REV1: variants seen among roughly 807,000 people sequenced by gnomAD.
The protein encoded by REV1 is REV1 DNA directed polymerase, also known as translesion synthesis protein REV1.
REV1 carries 42 observed loss-of-function variants against 137.4 expected under a neutral mutation model. The ratio of observed to expected loss-of-function variants is 0.31; its 90% CI spans 0.24 to 0.40. The LOEUF is 0.40. Among genes scored for constraint, REV1 ranks in the 10% least tolerant of loss-of-function variants. REV1 has a pLI of 1.00. For synonymous variants in REV1, 524 were observed against 519.2 expected, an observed-to-expected ratio of 1.01 and a Z score of -0.12; for missense variants, 1,282 against 1,490.1, an observed-to-expected ratio of 0.86 and a Z score of 2.30.
Position 99,449,416 on chromosome 2 carries a change from A to G in REV1, c.270T>C (p.Ile90=). ...TGGCATTGGGAAGATTTGTGGCAAT[A>G]ATATGTGTTGTTTTAGATCTGGAAT... ...VYYSRSKTTH[I]IATNLPNAKI... is the part of the protein sequence containing the mutation. The change falls in exon 4 of 23, where the codon ATT becomes ATC. Residue 90 remains isoleucine (I), a synonymous_variant. Coordinates refer to ENST00000258428, the MANE Select transcript of REV1 (RefSeq NM_016316.4). The G allele has an allele frequency of 6.4e-7, 1 of 1,572,862 alleles. No individual in the cohort carries two copies. Among genetic ancestry groups the G allele is most frequent in the East Asian group, 2.4e-5 (1 of 42,420 alleles).
At chr2:99,409,427 A>G (rs1031709263) in intron 14 of REV1, among the ~76,000 whole-genome samples, 5 of 152,218 alleles carry the variant, frequency 3.3e-5, no homozygotes, top group Non-Finnish European at 1.5e-5. Context: ...AAAAGTCTCA[A>G]AATTTTGGTT....
chr2:99,403,450 A>G (rs1675795401), intron 19 of REV1: 1 of 580,474 alleles, frequency 1.7e-6, no homozygotes, highest in African/African-American at 1.9e-5. Context: ...CATTTGTGGT[A>G]ATGTCCTATT....
intron 9 of REV1, among the ~76,000 whole-genome samples, chr2:99,427,135 T>C (rs1004769346): frequency 1.3e-4 from 20 of 152,070 alleles, no homozygotes; most frequent in African/African-American, 1.9e-4. Flanking sequence ...TGAGCCGAGA[T>C]AGCACCACTG....
intron 15 of REV1, among the ~76,000 whole-genome samples, chr2:99,407,330 C>T (rs189706365): frequency 1.3e-5 from 2 of 151,638 alleles, no homozygotes; most frequent in East Asian, 3.9e-4. Context: ...GTGGGTGGAT[C>T]ACCTGAGGTC....
chr2:99,473,734 T>C lies in REV1; in HGVS notation c.-10-8749A>G, dbSNP rs143934374. On this transcript the variant is annotated intron_variant, in intron 1 of 22. Transcript: ENST00000258428. ...TTTCTGTACCAGATGAGATACTATCTTGATAAACACAGAATTCAAAGAACT... is the reference window on the plus strand; with the variant it reads ...TTTCTGTACCAGATGAGATACTATCCTGATAAACACAGAATTCAAAGAACT... 2.0e-5 allele frequency among the ~76,000 whole-genome samples: 3 copies of C among 152,340 alleles called. No homozygotes were observed. The East Asian group carries it at 5.8e-4, about 29-fold the overall frequency.
At chr2:99,464,408 A>C (rs940447266) in intron 2 of REV1, among the ~76,000 whole-genome samples, 4 of 152,226 alleles carry the variant, frequency 2.6e-5, no homozygotes, top group Non-Finnish European at 4.4e-5. Context: ...AACTGGTATA[A>C]TCCTATTCAT....
chr2:99,403,810 G>A lies in REV1; in HGVS notation c.3051C>T (p.Asp1017=), dbSNP rs763940467. Residue 1017 remains aspartate, a synonymous_variant, in exon 19 of 23, where the codon GAC becomes GAT. Coordinates refer to ENST00000258428, the MANE Select transcript of REV1 (RefSeq NM_016316.4). ...CAGGAAGGGCAGCAAATACCTCAGGGTCCACCTAGTGGAAAAGACGAGGTC... is the reference window on the plus strand; with the variant it reads ...CAGGAAGGGCAGCAAATACCTCAGGATCCACCTAGTGGAAAAGACGAGGTC... ...LIALPAFSQV[D]PEVFAALPAE... 1 of 1,614,046 alleles carries A rather than the reference G, an allele frequency of 6.2e-7. No homozygotes were observed. Among genetic ancestry groups the A allele is most frequent in the Non-Finnish European group, 8.5e-7 (1 of 1,179,988 alleles).
intron 6 of REV1, among the ~76,000 whole-genome samples, chr2:99,437,181 C>T (rs904748984): frequency 6.6e-6 from 1 of 151,802 alleles, no homozygotes; most frequent in Non-Finnish European, 1.5e-5. Context: ...CACGGTCTCA[C>T]TGTGTTGCCC....
chr2:99,430,749 T>A (rs1437616432), intron 8 of REV1, among the ~76,000 whole-genome samples: 1 of 152,164 alleles, frequency 6.6e-6, no homozygotes, highest in African/African-American at 2.4e-5. Flanking sequence ...GCCACTTTAC[T>A]TCCTTTGCCA....
chr2:99,409,695 T>C (rs1356504168), intron 14 of REV1, among the ~76,000 whole-genome samples: 3 of 151,854 alleles, frequency 2.0e-5, no homozygotes, highest in African/African-American at 7.3e-5. Context: ...AATACAAAAA[T>C]TCGCTGGGCA....
chr2:99,468,942 A>G (rs1160052123), intron 1 of REV1, among the ~76,000 whole-genome samples: 2 of 152,224 alleles, frequency 1.3e-5, no homozygotes, highest in Non-Finnish European at 2.9e-5. Context: ...TCAGTTATCC[A>G]TGGTCTACAA....
intron 9 of REV1, among the ~76,000 whole-genome samples, chr2:99,427,052 G>T (rs959641216): frequency 6.6e-6 from 1 of 152,018 alleles, no homozygotes; most frequent in East Asian, 1.9e-4. Flanking sequence ...GCGTGGTGGC[G>T]GGAGCAGTAA....
chr2:99,462,680 T>A, intron 2 of REV1, 58 bp from the exon 3 acceptor site: 2 of 1,555,396 alleles, frequency 1.3e-6, no homozygotes, highest in Non-Finnish European at 8.7e-7. Context: ...CCCCCTTTTT[T>A]GAAAAAAAAA....
At chr2:99,441,286 A>G (rs1408908522) in intron 5 of REV1, among the ~76,000 whole-genome samples, 1 of 152,166 alleles carries the variant, frequency 6.6e-6, no homozygotes, top group Non-Finnish European at 1.5e-5. Flanking sequence ...GTGATACTGG[A>G]TCCTCTCAGA....
intron 12 of REV1, among the ~76,000 whole-genome samples, chr2:99,414,874 C>T (rs1168664556): frequency 6.6e-6 from 1 of 152,120 alleles, no homozygotes; most frequent in East Asian, 1.9e-4. Context: ...GGGTGGAAAC[C>T]CCATAGTTTA....
At chr2:99,401,442 G>GAAAA in intron 22 of REV1, 90 bp from the exon 23 acceptor site, 1 of 766,370 alleles carries the variant, frequency 1.3e-6, no homozygotes. Flanking sequence ...ATTGACTTTG[G>GAAAA]CAAAAAAAAA....
rs768756603 is a variant in REV1, at chr2:99,421,173, G to A, written c.1831+326C>T. Among the ~76,000 whole-genome samples the A allele has an allele frequency of 9.2e-5, 14 of 151,836 alleles. No homozygotes were observed. The South Asian group carries it at 1.0e-3, about 11-fold the overall frequency. On this transcript the variant is annotated intron_variant, in intron 11 of 22. Coordinates refer to ENST00000258428, the MANE Select transcript of REV1 (RefSeq NM_016316.4). ...GAGTAACAAGACTCAGACTTAACAC[G>A]CAACTCTAAACCCATACCACCACCT...
chr2:99,424,434 G>T, intron 9 of REV1, 154 bp from the exon 10 acceptor site: 1 of 818,514 alleles, frequency 1.2e-6, no homozygotes, highest in Non-Finnish European at 1.8e-6. Flanking sequence ...AAAATTTACA[G>T]CCTTGTTTTC....
chr2:99,437,519 T>C (rs1291742309), intron 6 of REV1, among the ~76,000 whole-genome samples: 1 of 152,202 alleles, frequency 6.6e-6, no homozygotes, highest in Non-Finnish European at 1.5e-5. Context: ...ATAATCTTAA[T>C]CACAATTCTG....
Sources: allele counts gnomAD v4.1 joint callset (sites outside exome capture counted in the v4.1 genomes callset), GRCh38; gene constraint gnomAD v4.1.1; transcripts MANE v1.5; gene names NCBI Gene and HGNC (gene_info 2026-07-23, HGNC 2026-07-21).